Variants in DLG2 observed in about 807,000 individuals in gnomAD.
DLG2 encodes discs large MAGUK scaffold protein 2.
In DLG2, 45 loss-of-function variants were observed where a neutral mutation model predicts 132.5. The observed-to-expected ratio is 0.34, with a 90% CI of 0.27 to 0.44. The LOEUF (loss-of-function observed/expected upper bound fraction) is 0.44, where lower values mean the gene tolerates loss of function less well. Among genes scored for constraint, DLG2 ranks in the 20% least tolerant of loss-of-function variants. DLG2 has a pLI of 1.00. For missense variants in DLG2, 1,045 were observed against 1,196.9 expected (o/e 0.87, Z 1.87); for synonymous variants, 424 against 419.6 (o/e 1.01, Z -0.13).
At chr11:84,245,732 C>T (rs1387272883) in intron 8 of DLG2, among the ~76,000 whole-genome samples, 1 of 152,222 alleles carries the variant, frequency 6.6e-6, no homozygotes, top group African/African-American at 2.4e-5. Context: ...AACCAGGTCC[C>T]TCTGACACTT....
At chr11:84,583,472 G>C (rs974660926) in intron 6 of DLG2, among the ~76,000 whole-genome samples, 4 of 152,144 alleles carry the variant, frequency 2.6e-5, no homozygotes, top group African/African-American at 7.2e-5. Flanking sequence ...TTTGTTTTAA[G>C]GGTTAAGCCT....
intron 2 of DLG2, among the ~76,000 whole-genome samples, chr11:85,609,855 C>G (rs1243563616): frequency 6.6e-6 from 1 of 152,204 alleles, no homozygotes; most frequent in Admixed American, 6.5e-5. Flanking sequence ...TCCGGGGAAT[C>G]CTGGGACAGT....
intron 14 of DLG2, among the ~76,000 whole-genome samples, chr11:83,939,175 C>T (rs898887697): frequency 2.0e-5 from 3 of 152,086 alleles, no homozygotes; most frequent in Non-Finnish European, 4.4e-5. Flanking sequence ...TTGAGTAAAC[C>T]ACCTTATTGG....
intron 18 of DLG2, among the ~76,000 whole-genome samples, chr11:83,641,460 T>C (rs1340920982): frequency 2.6e-5 from 4 of 152,188 alleles, no homozygotes; most frequent in Non-Finnish European, 4.4e-5. Flanking sequence ...TCACCTCTTC[T>C]TTTTCTAGTT....
At chr11:85,229,947 A>G (rs2075203946) in intron 4 of DLG2, among the ~76,000 whole-genome samples, 1 of 151,922 alleles carries the variant, frequency 6.6e-6, no homozygotes, top group African/African-American at 2.4e-5. Context: ...CATGGACACA[A>G]AGAGGGGAGC....
At chr11:84,557,498 C>T (rs1448239430) in intron 6 of DLG2, among the ~76,000 whole-genome samples, 1 of 151,914 alleles carries the variant, frequency 6.6e-6, no homozygotes, top group Non-Finnish European at 1.5e-5. Context: ...CTTAAAAATG[C>T]TTAGTTTATA....
chr11:84,855,490 T>C (rs7106403), intron 6 of DLG2, among the ~76,000 whole-genome samples: 12,823 of 152,044 alleles, frequency 0.084, 654 homozygotes, highest in Non-Finnish European at 0.11. Flanking sequence ...TTTCCCCTTA[T>C]CTCTCTGGCA....
At chr11:85,201,231 G>A (rs973734001) in intron 4 of DLG2, among the ~76,000 whole-genome samples, 9 of 152,134 alleles carry the variant, frequency 5.9e-5, no homozygotes, top group African/African-American at 1.9e-4. Context: ...GGGTAGCTAC[G>A]CTATCTGTGC....
chr11:84,543,111 T>C (rs572675855), intron 6 of DLG2, among the ~76,000 whole-genome samples: 40 of 152,302 alleles, frequency 2.6e-4, no homozygotes, highest in Middle Eastern at 3.4e-3. Flanking sequence ...GAATGTTCAG[T>C]GCAATGATCA....
intron 9 of DLG2, among the ~76,000 whole-genome samples, chr11:84,117,650 G>T (rs2093698245): frequency 6.6e-6 from 1 of 152,114 alleles, no homozygotes; most frequent in African/African-American, 2.4e-5. Flanking sequence ...AGAGTACATT[G>T]AACTTACTTC....
chr11:83,651,722 A>T, intron 18 of DLG2: 1 of 367,838 alleles, frequency 2.7e-6, no homozygotes, highest in Non-Finnish European at 5.8e-6. Context: ...TGCCCTCGGA[A>T]GTCTACTTTA....
chr11:83,720,348 T>C (rs2088150223), intron 18 of DLG2, among the ~76,000 whole-genome samples: 1 of 135,238 alleles, frequency 7.4e-6, no homozygotes, highest in African/African-American at 2.7e-5. Flanking sequence ...ACTTAAGTTA[T>C]GTAAGTTATG....
intron 17 of DLG2, among the ~76,000 whole-genome samples, chr11:83,816,290 C>T (rs1182196378): frequency 1.3e-5 from 2 of 152,144 alleles, no homozygotes; most frequent in Admixed American, 1.3e-4. Flanking sequence ...ACCACAAGAT[C>T]TTCTTTTAAG....
intron 7 of DLG2, among the ~76,000 whole-genome samples, chr11:84,411,580 AT>A (rs1601659070): frequency 1.3e-5 from 2 of 151,916 alleles, no homozygotes; most frequent in East Asian, 3.9e-4. Flanking sequence ...TTTTGCCTCA[AT>A]TCACACTTGG....
intron 6 of DLG2, among the ~76,000 whole-genome samples, chr11:84,652,208 GC>G (rs1410811808): frequency 1.3e-5 from 2 of 152,142 alleles, no homozygotes; most frequent in Non-Finnish European, 2.9e-5. Flanking sequence ...TAACTTTGAT[GC>G]AAAACTAAGT....
intron 3 of DLG2, among the ~76,000 whole-genome samples, chr11:85,390,250 A>T (rs1364117606): frequency 6.6e-6 from 1 of 152,100 alleles, no homozygotes; most frequent in Admixed American, 6.6e-5. Flanking sequence ...CAGTTGAAAA[A>T]AAAAGGAGAG....
Position 83,790,880 on chromosome 11 carries a change from A to G in DLG2, c.1723-4088T>C, listed in dbSNP as rs113392378. On this transcript the variant is annotated intron_variant, in intron 17 of 27. Coordinates refer to ENST00000376104, the MANE Select transcript of DLG2 (RefSeq NM_001142699.3). ...GACAATAGCTACTTGATCCTTCCAA[A>G]GGACACATCCCCTCATCTAAAGGCA... The G allele has an allele frequency of 9.8e-5, 74 of 752,754 alleles. 1 individual carries two copies. In the African/African-American group the frequency reaches 1.1e-3, roughly 11 times the overall value. 46.6% of individuals were successfully genotyped at this position (752,754 alleles called of 1,614,324 possible).
chr11:85,261,336 A>G (rs536226738), intron 4 of DLG2, among the ~76,000 whole-genome samples: 2 of 152,108 alleles, frequency 1.3e-5, no homozygotes, highest in East Asian at 3.9e-4. Flanking sequence ...CCCCTACCTG[A>G]GGCCCCTTCC....
At chr11:83,901,955 T>A (rs2073569025) in intron 15 of DLG2, among the ~76,000 whole-genome samples, 1 of 152,202 alleles carries the variant, frequency 6.6e-6, no homozygotes, top group African/African-American at 2.4e-5. Context: ...AGGTACTCAA[T>A]TAATCACTAA....
Sources: gnomAD v4.1 joint callset for allele counts (sites outside exome capture counted in the v4.1 genomes callset) on GRCh38, gnomAD v4.1.1 for gene constraint, MANE v1.5 for transcripts, NCBI Gene and HGNC (gene_info 2026-07-23, HGNC 2026-07-21) for gene names.